Variants in FER observed in about 807,000 individuals in gnomAD.
FER encodes the protein tyrosine-protein kinase Fer.
FER carries 63 observed loss-of-function variants against 111.0 expected under a neutral mutation model. That is an observed-to-expected ratio of 0.57 (90% CI 0.46 to 0.70). FER has a LOEUF of 0.70. Among genes scored for constraint, FER ranks in the 30% least tolerant of loss-of-function variants. The pLI, the probability that FER is intolerant of heterozygous loss-of-function variation, is 0.00. For missense variants in FER, 914 were observed against 954.0 expected, an observed-to-expected ratio of 0.96 and a Z score of 0.55; for synonymous variants, 327 against 313.9, an observed-to-expected ratio of 1.04 and a Z score of -0.44.
chr5:108,839,624 C>T (rs1761046881), intron 5 of FER, among the ~76,000 whole-genome samples: 1 of 134,500 alleles, frequency 7.4e-6, no homozygotes, highest in Admixed American at 8.3e-5. Context: ...GCCTCCCAGG[C>T]TGGAGTGCAG....
At chr5:109,147,534 A>T (rs1754353401) in intron 17 of FER, among the ~76,000 whole-genome samples, 1 of 152,046 alleles carries the variant, frequency 6.6e-6, no homozygotes, top group Non-Finnish European at 1.5e-5. Flanking sequence ...CTGAAAAGAT[A>T]AAATATCCAA....
intron 3 of FER, among the ~76,000 whole-genome samples, chr5:108,798,707 G>A (rs1171373835): frequency 3.9e-5 from 6 of 152,164 alleles, no homozygotes; most frequent in Non-Finnish European, 1.5e-5. Flanking sequence ...AATTAGCTGG[G>A]CGTGGTAGCA....
At chr5:109,038,540 A>T (rs1441362562) in intron 14 of FER, among the ~76,000 whole-genome samples, 1 of 151,960 alleles carries the variant, frequency 6.6e-6, no homozygotes, top group East Asian at 1.9e-4. Flanking sequence ...TACTTTTCCC[A>T]AAGCATCGAA....
rs1580429953 is a variant in FER, at chr5:108,768,180, C to T, written c.-118C>T. 1 of 152,302 alleles carries T rather than the reference C, an allele frequency of 6.6e-6. No homozygotes were observed. The allele number at this position is 152,302 out of a possible 1,614,324, so 9.4% of individuals were successfully genotyped here. A position where few individuals can be genotyped will look rare whatever the true frequency, so the allele number is the denominator to read the frequency against. ...TATCTTCTTTGTCCCTAATGTGTGA[C>T]ACCTCATCATGGACACGCTACTTTA... On this transcript the variant is annotated 5_prime_UTR_variant, in exon 2 of 20. Coordinates refer to ENST00000281092, the MANE Select transcript of FER (RefSeq NM_005246.4).
At chr5:109,142,974 T>C (rs1450180339) in intron 17 of FER, among the ~76,000 whole-genome samples, 1 of 152,162 alleles carries the variant, frequency 6.6e-6, no homozygotes, top group Non-Finnish European at 1.5e-5. Context: ...GGGTCTTCGC[T>C]TTTTTATCCT....
intron 10 of FER, among the ~76,000 whole-genome samples, chr5:108,902,094 A>G (rs780224527): frequency 6.6e-6 from 1 of 152,212 alleles, no homozygotes; most frequent in Non-Finnish European, 1.5e-5. Context: ...CATTGGAAAG[A>G]TTAGTCTTTT....
chr5:109,088,657 A>C (rs1003724277), intron 16 of FER, among the ~76,000 whole-genome samples: 3 of 152,154 alleles, frequency 2.0e-5, no homozygotes, highest in Admixed American at 6.5e-5. Context: ...TTCTAAGATT[A>C]TTAATGCTCT....
At chr5:109,167,400 C>G (rs1203636584) in intron 17 of FER, among the ~76,000 whole-genome samples, 4 of 152,122 alleles carry the variant, frequency 2.6e-5, no homozygotes, top group Non-Finnish European at 5.9e-5. Flanking sequence ...CTAGAACATA[C>G]AAATTCATCT....
At chr5:108,802,442 T>C (rs1014995161) in intron 3 of FER, among the ~76,000 whole-genome samples, 3 of 152,170 alleles carry the variant, frequency 2.0e-5, no homozygotes, top group African/African-American at 7.2e-5. Flanking sequence ...GTTTATGGTA[T>C]GAATGACCCC....
chr5:109,133,824 G>A (rs967469222), intron 17 of FER, among the ~76,000 whole-genome samples: 3 of 151,952 alleles, frequency 2.0e-5, no homozygotes, highest in Admixed American at 2.0e-4. Context: ...ACAAAATTTG[G>A]TGTAAAAGAT....
At chr5:109,068,844 C>T (rs1174006978) in intron 16 of FER, among the ~76,000 whole-genome samples, 3 of 152,240 alleles carry the variant, frequency 2.0e-5, no homozygotes, top group African/African-American at 7.2e-5. Context: ...TGAGAAGTAA[C>T]ATTATGTATA....
chr5:108,983,145 A>C (rs1468877625), intron 13 of FER, among the ~76,000 whole-genome samples: 1 of 152,204 alleles, frequency 6.6e-6, no homozygotes. Context: ...ATGAGATGCT[A>C]TGACAATATG....
chr5:108,813,920 G>A (rs1238918830), intron 3 of FER, among the ~76,000 whole-genome samples: 3 of 152,112 alleles, frequency 2.0e-5, no homozygotes, highest in Non-Finnish European at 4.4e-5. Context: ...ATACTTTAGG[G>A]TGGAACAAAT....
chr5:109,183,254 T>G (rs1758472494), intron 18 of FER, among the ~76,000 whole-genome samples: 1 of 141,282 alleles, frequency 7.1e-6, no homozygotes, highest in Non-Finnish European at 1.5e-5. Flanking sequence ...GCGTGTTTTT[T>G]TTTTTTTTTT....
intron 5 of FER, among the ~76,000 whole-genome samples, chr5:108,840,868 G>A (rs1482895181): frequency 1.3e-5 from 2 of 152,168 alleles, no homozygotes; most frequent in African/African-American, 4.8e-5. Context: ...TAATTGGTAA[G>A]TAACTGCAGA....
chr5:108,791,484 A>G (rs1344574693), intron 2 of FER, among the ~76,000 whole-genome samples: 1 of 151,084 alleles, frequency 6.6e-6, no homozygotes, highest in Non-Finnish European at 1.5e-5. Flanking sequence ...CGTTTTTCTT[A>G]TTATTGAGTT....
rs553166629 is a variant in FER, at chr5:109,152,887, T to C, written c.2049-27860T>C. On this transcript the variant is annotated intron_variant, in intron 17 of 19. Transcript: ENST00000281092. ...AAGAAGCCGTTAAGAACAAGCCATT[T>C]TGGAGATATTTTATTGAGCTTTAAA... Among the ~76,000 whole-genome samples the C allele has an allele frequency of 3.9e-5, 6 of 152,070 alleles. No homozygotes were observed. The South Asian group carries it at 1.2e-3, about 32-fold the overall frequency.
intron 3 of FER, among the ~76,000 whole-genome samples, chr5:108,821,861 C>CA (rs1758881173): frequency 6.6e-6 from 1 of 152,014 alleles, no homozygotes; most frequent in Admixed American, 6.6e-5. Flanking sequence ...ATGAGGAGAA[C>CA]ACTTAAGATA....
chr5:109,176,505 A>G (rs1176775987), intron 17 of FER, among the ~76,000 whole-genome samples: 1 of 152,172 alleles, frequency 6.6e-6, no homozygotes. Flanking sequence ...GAGGATGGAA[A>G]GAGATTGGGT....
Sources: gnomAD v4.1 joint callset for allele counts (sites outside exome capture counted in the v4.1 genomes callset) on GRCh38, gnomAD v4.1.1 for gene constraint, MANE v1.5 for transcripts, NCBI Gene and HGNC (gene_info 2026-07-23, HGNC 2026-07-21) for gene names.